The following COL5A1 variants were observed in gnomAD, a reference collection of about 807,000 sequenced individuals.
COL5A1 encodes collagen type V alpha 1 chain.
A neutral mutation model predicts 263.7 loss-of-function variants in COL5A1; 16 were observed. The observed-to-expected ratio is 0.06, with a 90% confidence interval of 0.04 to 0.09. The LOEUF (loss-of-function observed/expected upper bound fraction) is 0.09. Among genes scored for constraint, COL5A1 ranks in the 10% least tolerant of loss-of-function variants. The pLI is 1.00. For missense variants in COL5A1, 2,036 were observed against 2,540.5 expected, an observed-to-expected ratio of 0.80 and a Z score of 4.27; for synonymous variants, 1,012 against 1,004.5, an observed-to-expected ratio of 1.01 and a Z score of -0.14.
At chr9:134,836,347 A>G (rs977480613) in intron 65 of COL5A1, among the ~76,000 whole-genome samples, 1 of 152,188 alleles carries the variant, frequency 6.6e-6, no homozygotes, top group African/African-American at 2.4e-5. Flanking sequence ...CATGGGAACT[A>G]GTAGAGTGAG....
chr9:134,824,312 G>C (rs1238665166), intron 61 of COL5A1, among the ~76,000 whole-genome samples: 1 of 152,210 alleles, frequency 6.6e-6, no homozygotes, highest in Non-Finnish European at 1.5e-5. Context: ...CTGAGGGCAG[G>C]ATGGCAGATG....
chr9:134,696,928 A>G lies in COL5A1; in HGVS notation c.278-2981A>G, dbSNP rs558182957. Among the ~76,000 whole-genome samples, 387 of 152,152 alleles carry G rather than the reference A, an allele frequency of 2.5e-3. 1 individual carries two copies. Among genetic ancestry groups the G allele is most frequent in the Admixed American group, 0.012 (177 of 15,294 alleles). On this transcript the variant is annotated intron_variant, in intron 2 of 65. Coordinates refer to ENST00000371817, the MANE Select transcript of COL5A1 (RefSeq NM_000093.5). This position sits in a 1 kb window ranked among gnomAD's most constrained non-coding sequence, Gnocchi z 4.3. Reference sequence around the variant, plus strand: ...TACTAAAAATACAAAAAAATTAGCCAGGCTTGGTGGCGGGTGCCTGTAGTC... The same window carrying G: ...TACTAAAAATACAAAAAAATTAGCCGGGCTTGGTGGCGGGTGCCTGTAGTC...
chr9:134,771,326 A>C lies in COL5A1; in HGVS notation c.2287-1464A>C, dbSNP rs574152175. Among the ~76,000 whole-genome samples the C allele has an allele frequency of 1.5e-3, 229 of 152,258 alleles. 1 individual carries two copies. The highest frequency in any genetic ancestry group is 5.2e-3 in the African/African-American group (218 of 41,564). On this transcript the variant is annotated intron_variant, in intron 25 of 65. Transcript: ENST00000371817. ...GCCACCCTGGACCAGGACACCCTCT[A>C]GTTGGCTCTGTTCAGGTCCAGCCCG...
intron 48 of COL5A1, 75 bp downstream of exon 48, chr9:134,812,787 T>A: frequency 9.5e-7 from 1 of 1,049,372 alleles, no homozygotes; most frequent in Non-Finnish European, 1.4e-6. Flanking sequence ...TGTGTGTGTG[T>A]CTGTGTGTAT....
intron 18 of COL5A1, among the ~76,000 whole-genome samples, chr9:134,760,237 C>CATGT (rs1564439734): frequency 1.3e-4 from 17 of 132,540 alleles, no homozygotes; most frequent in East Asian, 4.9e-4. Flanking sequence ...TGCACACACA[C>CATGT]GCATACACAC....
intron 19 of COL5A1, 104 bp downstream of exon 19, chr9:134,762,082 C>G: frequency 8.1e-7 from 1 of 1,233,388 alleles, no homozygotes. Context: ...ATTGGCCTGC[C>G]GCATGTGGAG....
chr9:134,674,277 G>A (rs1261808492), intron 1 of COL5A1, among the ~76,000 whole-genome samples: 1 of 152,164 alleles, frequency 6.6e-6, no homozygotes, highest in African/African-American at 2.4e-5. Context: ...GTGCCCACCT[G>A]GTACGGGGAC....
intron 2 of COL5A1, 59 bp downstream of exon 2, chr9:134,691,138 C>T: frequency 6.2e-7 from 1 of 1,603,376 alleles, no homozygotes; most frequent in Non-Finnish European, 8.5e-7. Context: ...TGGCCTCCAG[C>T]CAGGAGCAGC....
rs566509098 is a variant in COL5A1, at chr9:134,789,915, G to A, written c.2700+707G>A. On this transcript the variant is annotated intron_variant, in intron 32 of 65. Transcript: ENST00000371817. The surrounding 1 kb of genome is among the most constrained non-coding windows in gnomAD (Gnocchi z 4.8). ...TCCTCAGGCCTTGGACTCTGAGCTG[G>A]CCTTGTCCACGGGGCATATGGCGGG... Among the ~76,000 whole-genome samples the A allele has an allele frequency of 5.3e-5, 8 of 152,348 alleles. No individual in the cohort carries two copies. Among genetic ancestry groups the A allele is most frequent in the South Asian group, 4.1e-4 (2 of 4,824 alleles).
At chr9:134,775,409 G>T (rs1010413389) in intron 27 of COL5A1, among the ~76,000 whole-genome samples, 3 of 152,210 alleles carry the variant, frequency 2.0e-5, no homozygotes, top group African/African-American at 4.8e-5. Context: ...CAGCGCTGTC[G>T]CAAGGCGGAG....
intron 4 of COL5A1, among the ~76,000 whole-genome samples, chr9:134,719,317 GCACA>G (rs986969301): frequency 1.3e-5 from 2 of 152,176 alleles, no homozygotes; most frequent in Admixed American, 6.5e-5. Context: ...TGTATGTCAC[GCACA>G]CACACCGCAC....
chr9:134,834,665 A>T (rs1839778794), intron 64 of COL5A1, among the ~76,000 whole-genome samples: 1 of 152,148 alleles, frequency 6.6e-6, no homozygotes, highest in African/African-American at 2.4e-5. Flanking sequence ...AGGAGCATCT[A>T]TTCTGGGTAG....
chr9:134,668,947 C>A (rs1832439773), intron 1 of COL5A1, among the ~76,000 whole-genome samples: 3 of 109,002 alleles, frequency 2.8e-5, no homozygotes, highest in Non-Finnish European at 5.3e-5. Context: ...ATCCTTCCAC[C>A]CACCCACCCA....
At chr9:134,745,588 G>A (rs1032105825) in intron 11 of COL5A1, among the ~76,000 whole-genome samples, 4 of 152,148 alleles carry the variant, frequency 2.6e-5, no homozygotes, top group African/African-American at 9.7e-5. Flanking sequence ...TCTTGATAGG[G>A]CCCCGCTTCC....
chr9:134,684,320 C>T (rs933387863), intron 1 of COL5A1, among the ~76,000 whole-genome samples: 2 of 152,158 alleles, frequency 1.3e-5, no homozygotes, highest in Admixed American at 6.5e-5. Flanking sequence ...TGTCCAGCAG[C>T]CCCCCAGGTC....
intron 14 of COL5A1, among the ~76,000 whole-genome samples, chr9:134,752,985 C>T (rs1363059160): frequency 6.6e-6 from 1 of 152,132 alleles, no homozygotes; most frequent in Non-Finnish European, 1.5e-5. Flanking sequence ...GGCCCCTCCT[C>T]ACCCCTGCAT....
At chr9:134,689,841 C>T (rs1833212020) in intron 1 of COL5A1, among the ~76,000 whole-genome samples, 2 of 64,192 alleles carry the variant, frequency 3.1e-5, no homozygotes, top group African/African-American at 6.0e-5. Context: ...CCCCAACACA[C>T]ACCATTCTGT....
intron 2 of COL5A1, among the ~76,000 whole-genome samples, chr9:134,697,540 A>G (rs1015951690): frequency 5.3e-5 from 8 of 152,026 alleles, no homozygotes; most frequent in Non-Finnish European, 1.2e-4. Context: ...GGCCCTTTGC[A>G]ATGAGAGTGA....
intron 45 of COL5A1, 30 bp downstream of exon 45, chr9:134,811,422 A>G: frequency 1.4e-5 from 23 of 1,613,104 alleles, no homozygotes; most frequent in Non-Finnish European, 1.9e-5. Context: ...GACCTTCGAA[A>G]AGCCCCACGC....
Sources: allele counts gnomAD v4.1 joint callset (sites outside exome capture counted in the v4.1 genomes callset), GRCh38; gene constraint gnomAD v4.1.1; non-coding constraint Gnocchi (gnomAD v3.1); transcripts MANE v1.5; gene names NCBI Gene and HGNC (gene_info 2026-07-23, HGNC 2026-07-21).